Variants in GRIK1 observed in about 807,000 individuals in gnomAD.
The protein encoded by GRIK1 is glutamate receptor ionotropic, kainate 1.
GRIK1 carries 69 observed loss-of-function variants against 105.7 expected under a neutral mutation model. The observed-to-expected ratio is 0.65, with a 90% confidence interval of 0.54 to 0.80. The LOEUF (loss-of-function observed/expected upper bound fraction) is 0.80, where lower values mean the gene tolerates loss of function less well. Among genes scored for constraint, GRIK1 ranks in the 30% least tolerant of loss-of-function variants. The probability of loss-of-function intolerance (pLI) is 0.00; values close to 1 mark genes in which losing one functional copy is unlikely to be tolerated. For missense variants in GRIK1, 1,109 were observed against 1,167.3 expected (o/e 0.95, Z 0.73); for synonymous variants, 438 against 431.3 (o/e 1.02, Z -0.19).
At chr21:29,640,614 T>C (rs1404810415) in intron 7 of GRIK1, among the ~76,000 whole-genome samples, 2 of 152,224 alleles carry the variant, frequency 1.3e-5, no homozygotes, top group Admixed American at 6.5e-5. Context: ...TTTCTTTAAA[T>C]ATGCCTAAAT....
chr21:29,697,971 TTC>T (rs978506590), intron 1 of GRIK1, among the ~76,000 whole-genome samples: 4 of 150,960 alleles, frequency 2.6e-5, no homozygotes, highest in Non-Finnish European at 5.9e-5. Flanking sequence ...CTTTCTTTCT[TTC>T]TCTCTGTCTC....
At chr21:29,811,187 C>A (rs2067000359) in intron 1 of GRIK1, among the ~76,000 whole-genome samples, 1 of 151,998 alleles carries the variant, frequency 6.6e-6, no homozygotes. Context: ...CTAAATCAAG[C>A]CTTAGTTTCA....
At chr21:29,698,373 T>C (rs1435125515) in intron 1 of GRIK1, among the ~76,000 whole-genome samples, 1 of 152,152 alleles carries the variant, frequency 6.6e-6, no homozygotes, top group Non-Finnish European at 1.5e-5. Flanking sequence ...TCCCCTCCCC[T>C]TGTATTTTTG....
chr21:29,713,711 G>A (rs953642177), intron 1 of GRIK1, among the ~76,000 whole-genome samples: 26 of 152,048 alleles, frequency 1.7e-4, no homozygotes, highest in Non-Finnish European at 3.4e-4. Context: ...ATTTTGAGAC[G>A]GCACAAATGG....
At chr21:29,896,789 G>T (rs1446037089) in intron 1 of GRIK1, among the ~76,000 whole-genome samples, 1 of 152,106 alleles carries the variant, frequency 6.6e-6, no homozygotes, top group East Asian at 1.9e-4. Flanking sequence ...TGTGGTGGCT[G>T]CCTCGGAATC....
At chr21:29,773,630 A>G (rs1601658259) in intron 1 of GRIK1, among the ~76,000 whole-genome samples, 2 of 152,196 alleles carry the variant, frequency 1.3e-5, no homozygotes, top group Non-Finnish European at 2.9e-5. Context: ...TACAAGTCAG[A>G]GTCGGTGCAT....
At chr21:29,768,753 C>T (rs2065738968) in intron 1 of GRIK1, among the ~76,000 whole-genome samples, 1 of 152,152 alleles carries the variant, frequency 6.6e-6, no homozygotes, top group African/African-American at 2.4e-5. Context: ...CTCCTAAAAC[C>T]AGATTTGAGC....
intron 9 of GRIK1, among the ~76,000 whole-genome samples, chr21:29,592,917 C>A (rs557500101): frequency 2.0e-5 from 3 of 152,170 alleles, no homozygotes; most frequent in African/African-American, 7.2e-5. Context: ...CAGGGTGGAG[C>A]TATGCTTGGT....
chr21:29,721,125 C>T (rs1601529985), intron 1 of GRIK1, among the ~76,000 whole-genome samples: 2 of 152,030 alleles, frequency 1.3e-5, no homozygotes, highest in Admixed American at 6.6e-5. Context: ...GGTGTATAAG[C>T]TGCTTGAGCT....
intron 1 of GRIK1, among the ~76,000 whole-genome samples, chr21:29,845,529 C>T (rs1027288948): frequency 1.8e-4 from 27 of 152,014 alleles, no homozygotes; most frequent in Admixed American, 1.1e-3. Context: ...ATTATATTAA[C>T]TCCCTTCCTT....
At chr21:29,850,997 C>T (rs779484040) in intron 1 of GRIK1, among the ~76,000 whole-genome samples, 1 of 152,056 alleles carries the variant, frequency 6.6e-6, no homozygotes, top group Admixed American at 6.6e-5. Flanking sequence ...TCTGTACAAA[C>T]TCTTAGCTTA....
chr21:29,885,290 T>C (rs2069570627), intron 1 of GRIK1, among the ~76,000 whole-genome samples: 1 of 152,072 alleles, frequency 6.6e-6, no homozygotes, highest in South Asian at 2.1e-4. Context: ...CTTCTAAGCC[T>C]TTGCTAGATG....
chr21:29,888,717 C>G (rs2069774860), intron 1 of GRIK1, among the ~76,000 whole-genome samples: 1 of 152,152 alleles, frequency 6.6e-6, no homozygotes, highest in Non-Finnish European at 1.5e-5. Context: ...TTGCAACAGC[C>G]TGAAGCCTTT....
intron 1 of GRIK1, among the ~76,000 whole-genome samples, chr21:29,732,113 C>T (rs776001710): frequency 6.6e-6 from 1 of 152,098 alleles, no homozygotes; most frequent in Admixed American, 6.6e-5. Context: ...TTTGAACGAC[C>T]GTTGTAATTT....
At chr21:29,814,733 G>C (rs934766907) in intron 1 of GRIK1, among the ~76,000 whole-genome samples, 4 of 152,138 alleles carry the variant, frequency 2.6e-5, no homozygotes, top group African/African-American at 9.7e-5. Flanking sequence ...TTGGATGTGA[G>C]ACAGGTTTGA....
intron 1 of GRIK1, among the ~76,000 whole-genome samples, chr21:29,701,963 C>G (rs1036190447): frequency 6.6e-6 from 1 of 152,158 alleles, no homozygotes; most frequent in African/African-American, 2.4e-5. Context: ...GCAGGAGGTA[C>G]TTGACTTGGG....
At chr21:29,817,348 T>C (rs2067181550) in intron 1 of GRIK1, among the ~76,000 whole-genome samples, 4 of 152,092 alleles carry the variant, frequency 2.6e-5, no homozygotes, top group African/African-American at 7.2e-5. Flanking sequence ...GTCTTTTAAA[T>C]CCCCATTACC....
chr21:29,716,071 C>G (rs2146835618), intron 1 of GRIK1, among the ~76,000 whole-genome samples: 1 of 152,152 alleles, frequency 6.6e-6, no homozygotes, highest in South Asian at 2.1e-4. Context: ...TTATAAGGGA[C>G]TCTTCCCCCT....
In GRIK1 at chr21:29,577,247, C is replaced by T. The variant is rs377251633; in HGVS notation, c.1913-66G>A. ...AGAAGGAAAGGGAAGATGTACAGTTCGACACTATTCTAGGAAGATCAACCT... is the reference window on the plus strand; with the variant it reads ...AGAAGGAAAGGGAAGATGTACAGTTTGACACTATTCTAGGAAGATCAACCT... On this transcript the variant is annotated intron_variant, in intron 13 of 17. Transcript: ENST00000327783. The T allele has an allele frequency of 7.3e-5, 64 of 871,528 alleles. 2 individuals carry two copies. Among genetic ancestry groups the T allele is most frequent in the South Asian group, 4.2e-4 (30 of 70,806 alleles). 54.0% of individuals were successfully genotyped at this position (871,528 alleles called of 1,614,324 possible).
Sources: gnomAD v4.1 joint callset for allele counts (sites outside exome capture counted in the v4.1 genomes callset) on GRCh38, gnomAD v4.1.1 for gene constraint, MANE v1.5 for transcripts, NCBI Gene and HGNC (gene_info 2026-07-23, HGNC 2026-07-21) for gene names.